The following RPH3A variants were observed in gnomAD, a reference collection of about 807,000 sequenced individuals.
The protein encoded by RPH3A is rabphilin 3A.
RPH3A carries 48 observed loss-of-function variants against 102.2 expected under a neutral mutation model. The ratio of observed to expected loss-of-function variants is 0.47; its 90% CI spans 0.37 to 0.60. The LOEUF is 0.60. Ranked by LOEUF, RPH3A falls within the 20% of genes least tolerant of loss-of-function variation. The probability of loss-of-function intolerance (pLI) is 0.00; values close to 1 mark genes in which losing one functional copy is unlikely to be tolerated. For missense variants in RPH3A, 781 were observed against 910.1 expected (o/e 0.86, Z 1.83); for synonymous variants, 310 against 324.3 (o/e 0.96, Z 0.47).
intron 6 of RPH3A, among the ~76,000 whole-genome samples, chr12:112,866,304 TA>T (rs903839884): frequency 1.1e-4 from 16 of 152,248 alleles, no homozygotes; most frequent in African/African-American, 3.6e-4. Flanking sequence ...GGAAATTCAA[TA>T]AAAAATACAG....
In RPH3A at chr12:112,843,721, G is replaced by C. The variant is rs142574188; in HGVS notation, c.84-3975G>C. Among the ~76,000 whole-genome samples the C allele has an allele frequency of 2.0e-3, 301 of 152,302 alleles. 1 individual carries two copies. The highest frequency in any genetic ancestry group is 6.7e-3 in the African/African-American group (279 of 41,558). ...ACATGTGTTCAGTTTTGGTCACTGA[G>C]CTGCTTTGTAATGGCAGGAAATAAA... On this transcript the variant is annotated intron_variant, in intron 4 of 21. Coordinates refer to ENST00000389385, the MANE Select transcript of RPH3A (RefSeq NM_001143854.2).
intron 9 of RPH3A, 28 bp downstream of exon 9, chr12:112,869,825 T>A (rs970014439): frequency 1.2e-6 from 2 of 1,614,040 alleles, no homozygotes; most frequent in Non-Finnish European, 1.7e-6. Context: ...TGTTTTGTCA[T>A]TTGAGACACG....
At chr12:112,798,219 C>T (rs2041272296) in intron 2 of RPH3A, among the ~76,000 whole-genome samples, 1 of 152,180 alleles carries the variant, frequency 6.6e-6, no homozygotes, top group African/African-American at 2.4e-5. Flanking sequence ...TAACATGCCT[C>T]AGGAAGCTGG....
intron 4 of RPH3A, among the ~76,000 whole-genome samples, chr12:112,840,012 A>T (rs2042115431): frequency 6.6e-6 from 1 of 152,146 alleles, no homozygotes; most frequent in Admixed American, 6.6e-5. Context: ...AGAAAAGAAG[A>T]TAGACCCTGA....
intron 11 of RPH3A, 119 bp downstream of exon 11, chr12:112,875,289 A>C: frequency 2.7e-6 from 2 of 750,026 alleles, no homozygotes; most frequent in Non-Finnish European, 4.2e-6. Flanking sequence ...CCACAACTAA[A>C]TCTTAACCTC....
chr12:112,892,063 G>T (rs148566008), intron 19 of RPH3A, among the ~76,000 whole-genome samples: 58 of 152,318 alleles, frequency 3.8e-4, no homozygotes, highest in African/African-American at 1.3e-3. Context: ...AAAGCAAACA[G>T]AATCGAGCCT....
chr12:112,847,382 T>C (rs1261411607), intron 4 of RPH3A, among the ~76,000 whole-genome samples: 1 of 152,246 alleles, frequency 6.6e-6, no homozygotes, highest in Non-Finnish European at 1.5e-5. Flanking sequence ...TCAGACTTCC[T>C]GTCCTGAATC....
At chr12:112,796,619 C>T (rs143526680) in intron 2 of RPH3A, among the ~76,000 whole-genome samples, 1 of 152,366 alleles carries the variant, frequency 6.6e-6, no homozygotes, top group Non-Finnish European at 1.5e-5. Flanking sequence ...GACTTGGCTC[C>T]TGCCTCAGAT....
chr12:112,612,991 A>AATAATG (rs372148017), intron 1 of RPH3A, among the ~76,000 whole-genome samples: 2 of 152,152 alleles, frequency 1.3e-5, no homozygotes, highest in African/African-American at 4.8e-5. Flanking sequence ...CCTTTCCGAT[A>AATAATG]ATAATGATAA....
chr12:112,618,081 C>G (rs1431592773), intron 1 of RPH3A, among the ~76,000 whole-genome samples: 1 of 152,122 alleles, frequency 6.6e-6, no homozygotes, highest in East Asian at 1.9e-4. Context: ...GTGATTTTCC[C>G]TATGCCAACC....
chr12:112,663,107 C>T (rs79939652), intron 1 of RPH3A, among the ~76,000 whole-genome samples: 32 of 129,870 alleles, frequency 2.5e-4, no homozygotes, highest in Non-Finnish European at 3.5e-4. Flanking sequence ...AGAGAGAGAG[C>T]GAGAGAGAGA....
intron 3 of RPH3A, chr12:112,831,636 C>T: frequency 3.6e-6 from 1 of 274,276 alleles, no homozygotes; most frequent in South Asian, 3.3e-5. Flanking sequence ...CTTCTTGGGG[C>T]CACTTTACTT....
intron 1 of RPH3A, among the ~76,000 whole-genome samples, chr12:112,583,803 G>A (rs2039417588): frequency 6.6e-6 from 1 of 152,128 alleles, no homozygotes; most frequent in South Asian, 2.1e-4. Context: ...TGACCAACAT[G>A]GTGAAACCCC....
At chr12:112,677,552 A>C (rs1255994572) in intron 1 of RPH3A, among the ~76,000 whole-genome samples, 1 of 148,824 alleles carries the variant, frequency 6.7e-6, no homozygotes, top group African/African-American at 2.5e-5. Context: ...CACCCGCCTC[A>C]GCCTCCTAAA....
At chr12:112,766,448 G>T (rs111570287) in intron 1 of RPH3A, among the ~76,000 whole-genome samples, 1 of 152,138 alleles carries the variant, frequency 6.6e-6, no homozygotes, top group Non-Finnish European at 1.5e-5. Flanking sequence ...TGTAGACCCT[G>T]AAACGTGAAA....
At chr12:112,877,712 C>T (rs2042833290) in intron 13 of RPH3A, among the ~76,000 whole-genome samples, 1 of 152,202 alleles carries the variant, frequency 6.6e-6, no homozygotes, top group Admixed American at 6.5e-5. Flanking sequence ...ACCTCCCCCA[C>T]AGGCTAAGGG....
rs1237511675 is a variant in RPH3A at position 112,875,751 on chromosome 12, T to C, written c.946+10T>C. ...CCAGATCAGAAGCCAGGCAAGTATC[T>C]GCTTCCTCCCATGCCTGCCCAAGTG... On this transcript the variant is annotated intron_variant, in intron 12 of 21. Coordinates refer to ENST00000389385, the MANE Select transcript of RPH3A (RefSeq NM_001143854.2). The C allele has an allele frequency of 2.5e-6, 4 of 1,613,376 alleles. No individual in the cohort carries two copies. Among genetic ancestry groups the C allele is most frequent in the East Asian group, 4.5e-5 (2 of 44,866 alleles).
intron 1 of RPH3A, among the ~76,000 whole-genome samples, chr12:112,585,276 C>T (rs1592893878): frequency 6.6e-6 from 1 of 152,172 alleles, no homozygotes; most frequent in African/African-American, 2.4e-5. Context: ...TATCCATTGG[C>T]AACACCCTCA....
In RPH3A at chr12:112,712,375, A is replaced by C. The variant is rs115204154; in HGVS notation, c.-139-79768A>C. Among the ~76,000 whole-genome samples the C allele has an allele frequency of 1.2e-3, 181 of 152,334 alleles. 2 individuals are homozygous for C. The highest frequency in any genetic ancestry group is 3.9e-3 in the African/African-American group (164 of 41,578). On this transcript the variant is annotated intron_variant, in intron 1 of 21. Coordinates refer to the RPH3A transcript ENST00000543106. ...ATAGGAAACTGTCCCTTTGTAGGTC[A>C]AAAAATGGTCCAACGTTGGCAATTT...
Sources: gnomAD v4.1 joint callset for allele counts (sites outside exome capture counted in the v4.1 genomes callset) on GRCh38, gnomAD v4.1.1 for gene constraint, MANE v1.5 for transcripts, NCBI Gene and HGNC (gene_info 2026-07-23, HGNC 2026-07-21) for gene names.